ZHX3: variants seen among roughly 807,000 people sequenced by gnomAD.
ZHX3 encodes the protein zinc fingers and homeoboxes protein 3.
ZHX3 carries 20 observed loss-of-function variants against 64.5 expected under a neutral mutation model. The observed-to-expected ratio is 0.31, with a 90% CI of 0.22 to 0.45. The LOEUF (loss-of-function observed/expected upper bound fraction) is 0.45, where lower values mean the gene tolerates loss of function less well. Among genes scored for constraint, ZHX3 ranks in the 20% least tolerant of loss-of-function variants. The probability of loss-of-function intolerance (pLI) is 1.00; values close to 1 mark genes in which losing one functional copy is unlikely to be tolerated. For missense variants in ZHX3, 1,041 were observed against 1,195.8 expected (o/e 0.87, Z 1.91); for synonymous variants, 423 against 461.6 (o/e 0.92, Z 1.07).
chr20:41,254,937 C>A (rs1041427762), intron 2 of ZHX3, among the ~76,000 whole-genome samples: 1 of 151,810 alleles, frequency 6.6e-6, no homozygotes, highest in Non-Finnish European at 1.5e-5. Flanking sequence ...AATGGGCAGG[C>A]GATACCCGAG....
intron 2 of ZHX3, among the ~76,000 whole-genome samples, chr20:41,208,353 C>T (rs1259005372): frequency 2.6e-5 from 4 of 152,162 alleles, no homozygotes; most frequent in Admixed American, 1.3e-4. Context: ...AGGCCAACAT[C>T]GTCCTGATAC....
At chr20:41,314,374 G>A (rs554232587) in intron 1 of ZHX3, among the ~76,000 whole-genome samples, 2 of 152,288 alleles carry the variant, frequency 1.3e-5, no homozygotes, top group Admixed American at 6.5e-5. Context: ...GCAGGGAGAG[G>A]AAAAGGACAG....
intron 3 of ZHX3, among the ~76,000 whole-genome samples, chr20:41,189,567 C>T (rs773429526): frequency 7.9e-5 from 12 of 152,076 alleles, no homozygotes; most frequent in Non-Finnish European, 5.9e-5. Context: ...TAAATTTATT[C>T]GTAAGTATCT....
chr20:41,241,005 A>C (rs957025741), intron 2 of ZHX3, among the ~76,000 whole-genome samples: 1 of 152,180 alleles, frequency 6.6e-6, no homozygotes, highest in African/African-American at 2.4e-5. Flanking sequence ...TCGATATACT[A>C]ATTTCCTTTT....
chr20:41,197,007 A>G (rs2037770788), intron 3 of ZHX3: 3 of 190,676 alleles, frequency 1.6e-5, no homozygotes, highest in South Asian at 2.3e-4. Flanking sequence ...TTAAAAGCCA[A>G]AAAGTACCAG....
intron 1 of ZHX3, among the ~76,000 whole-genome samples, chr20:41,311,097 C>T (rs1270579884): frequency 1.3e-5 from 2 of 152,050 alleles, no homozygotes; most frequent in African/African-American, 2.4e-5. Flanking sequence ...CGTGAGCCAC[C>T]GTGCCCGGCC....
rs550853937 is a variant in ZHX3, at chr20:41,208,998, G to A, written c.-150-3932C>T. ...GATAAGCAACTTCAGCAAAGTCTCA[G>A]GATACAAAATCAATGTGCAAAAATC... On this transcript the variant is annotated intron_variant, in intron 2 of 3. Coordinates refer to ENST00000683867, the MANE Select transcript of ZHX3 (RefSeq NM_001384317.1). Among the ~76,000 whole-genome samples the A allele has an allele frequency of 2.0e-4, 30 of 152,244 alleles. 1 individual carries two copies. In the South Asian group the frequency reaches 5.8e-3, roughly 29 times the overall value.
intron 2 of ZHX3, among the ~76,000 whole-genome samples, chr20:41,213,226 A>G (rs61065678): frequency 0.051 from 7,808 of 152,244 alleles, 666 homozygotes; most frequent in African/African-American, 0.18. Flanking sequence ...AGTGGCTGCT[A>G]ATGAGTCACC....
intron 2 of ZHX3, among the ~76,000 whole-genome samples, chr20:41,254,435 G>A (rs1390834065): frequency 2.0e-5 from 3 of 152,174 alleles, no homozygotes; most frequent in African/African-American, 7.2e-5. Context: ...CTGCCACACA[G>A]TTGGTGTTTG....
intron 1 of ZHX3, among the ~76,000 whole-genome samples, chr20:41,313,593 C>G (rs1486985319): frequency 9.6e-6 from 1 of 103,782 alleles, no homozygotes; most frequent in African/African-American, 4.0e-5. Flanking sequence ...ACTTTTAGGC[C>G]TTTTTTTTTT....
intron 2 of ZHX3, among the ~76,000 whole-genome samples, chr20:41,217,411 TA>T (rs71332490): frequency 0.013 from 1,925 of 151,680 alleles, 22 homozygotes; most frequent in African/African-American, 0.018. Context: ...TTTTCATAAT[TA>T]AAAAAAAATT....
At chr20:41,220,385 T>C (rs1315825139) in intron 2 of ZHX3, among the ~76,000 whole-genome samples, 1 of 152,190 alleles carries the variant, frequency 6.6e-6, no homozygotes, top group Non-Finnish European at 1.5e-5. Context: ...AAGGATTCAG[T>C]TTTGCTATTG....
chr20:41,196,482 T>TTATATATATTATATATAATATATATTTA (rs1177183384), intron 3 of ZHX3, among the ~76,000 whole-genome samples: 2 of 8,302 alleles, frequency 2.4e-4, no homozygotes, highest in Non-Finnish European at 3.6e-4. Flanking sequence ...TATTTATATA[T>TTATATATATTATATATAATATATATTTA]TATAAATATA....
intron 1 of ZHX3, among the ~76,000 whole-genome samples, chr20:41,313,857 A>C (rs1271771887): frequency 6.6e-6 from 1 of 152,124 alleles, no homozygotes; most frequent in Admixed American, 6.5e-5. Context: ...TGGCCTCCCA[A>C]AGTGCTGGGA....
chr20:41,210,126 G>A (rs1422938156), intron 2 of ZHX3, among the ~76,000 whole-genome samples: 3 of 152,308 alleles, frequency 2.0e-5, no homozygotes, highest in Admixed American at 2.0e-4. Context: ...TCAGAGAAAT[G>A]CAAATCAAAA....
At chr20:41,300,294 AT>A (rs576477882) in intron 1 of ZHX3, among the ~76,000 whole-genome samples, 4 of 151,458 alleles carry the variant, frequency 2.6e-5, no homozygotes, top group Non-Finnish European at 4.4e-5. Flanking sequence ...ATTCTTAGTC[AT>A]TTTTTTTTCC....
intron 3 of ZHX3, among the ~76,000 whole-genome samples, chr20:41,199,748 T>C (rs147567391): frequency 3.7e-4 from 56 of 151,498 alleles, no homozygotes; most frequent in African/African-American, 1.3e-3. Context: ...TTGCCCAGGC[T>C]GGAACGCAGT....
In ZHX3 at chr20:41,294,513, C is replaced by A. The variant is rs1387882643; in HGVS notation, c.-245+22996G>T. ...AGTAGCTGGGATTACAGGCACCCCC[C>A]CACCACACCTGGGTAATTTTTGTAT... On this transcript the variant is annotated intron_variant, in intron 1 of 3. Transcript: ENST00000683867. Among the ~76,000 whole-genome samples, 5 of 152,154 alleles carry A rather than the reference C, an allele frequency of 3.3e-5. No individual in the cohort carries two copies. In the East Asian group the frequency reaches 9.7e-4, roughly 29 times the overall value.
At chr20:41,260,633 G>C (rs2042515319) in intron 2 of ZHX3, among the ~76,000 whole-genome samples, 1 of 152,220 alleles carries the variant, frequency 6.6e-6, no homozygotes, top group Non-Finnish European at 1.5e-5. Context: ...TGACAATGAG[G>C]AAGAGGTTAT....
Sources: gnomAD v4.1 joint callset for allele counts (sites outside exome capture counted in the v4.1 genomes callset) on GRCh38, gnomAD v4.1.1 for gene constraint, MANE v1.5 for transcripts, NCBI Gene and HGNC (gene_info 2026-07-23, HGNC 2026-07-21) for gene names.